RIF1: variants seen among roughly 807,000 people sequenced by gnomAD.
The protein encoded by RIF1 is replication timing regulatory factor 1.
Under a neutral mutation model 247.1 loss-of-function variants are expected in RIF1, and 45 were observed. The observed-to-expected ratio is 0.18, with a 90% confidence interval of 0.14 to 0.23. The LOEUF (loss-of-function observed/expected upper bound fraction) is 0.23. RIF1 is among the 10% of genes least tolerant of loss of function. RIF1 has a pLI of 1.00. For missense variants in RIF1, 2,967 were observed against 2,862.5 expected (o/e 1.04, Z -0.83); for synonymous variants, 1,087 against 978.8 (o/e 1.11, Z -2.06).
At position 151,463,076 on chromosome 2, in the gene RIF1, G is replaced by A. The variant is rs1187526525; in HGVS notation, c.3556G>A (p.Glu1186Lys). 6.2e-7 allele frequency: 1 copy of A among 1,613,786 alleles called. No individual in the cohort carries two copies. The highest frequency in any genetic ancestry group is 1.3e-5 in the African/African-American group (1 of 74,918). The change falls in exon 30 of 36, where the codon GAA becomes AAA. Residue 1186 changes from glutamate to lysine, a missense_variant. Glu to Lys is a moderately conservative substitution (Grantham distance 56, BLOSUM62 1). Coordinates refer to ENST00000444746, the MANE Select transcript of RIF1 (RefSeq NM_018151.5). Reference sequence around the variant, plus strand: ...AATTTCATCAAGGAAAACATCAACTGAATGTGCATCTAGTACAGAAAATTC... The same window carrying A: ...AATTTCATCAAGGAAAACATCAACTAAATGTGCATCTAGTACAGAAAATTC... The part of the protein sequence containing the change: ...ALISSRKTST[E>K]CASSTENSFV...
downstream of RIF1, among the ~76,000 whole-genome samples, chr2:151,510,214 A>C (rs1023670066): frequency 6.6e-6 from 1 of 152,190 alleles, no homozygotes; most frequent in Non-Finnish European, 1.5e-5. Flanking sequence ...CAGACCCCCA[A>C]TAAACTTGTT....
chr2:151,492,163 C>G, intron 9 of RIF1: 1 of 1,613,890 alleles, frequency 6.2e-7, no homozygotes, highest in Non-Finnish European at 8.5e-7. Context: ...CCTCTGAATA[C>G]CTCGGTAGTT....
chr2:151,433,456 A>C (rs946871563), intron 10 of RIF1, among the ~76,000 whole-genome samples: 3 of 151,952 alleles, frequency 2.0e-5, no homozygotes, highest in African/African-American at 7.2e-5. Context: ...TTTATTTATT[A>C]TTAATTTATT....
At chr2:151,494,350 GC>G in intron 9 of RIF1, 1 of 818,726 alleles carries the variant, frequency 1.2e-6, no homozygotes, top group Non-Finnish European at 2.0e-6. Context: ...TATCTTTAGG[GC>G]CCCAAACCAT....
chr2:151,508,196 C>A, downstream of RIF1: 1 of 803,370 alleles, frequency 1.2e-6, no homozygotes. Context: ...TTAGCCCTTC[C>A]AGGCTCAGCA....
intron 18 of RIF1, among the ~76,000 whole-genome samples, chr2:151,444,685 A>G (rs1345306362): frequency 6.6e-6 from 1 of 152,198 alleles, no homozygotes; most frequent in African/African-American, 2.4e-5. Flanking sequence ...ACATTCTTAA[A>G]TAGCTCCCCA....
chr2:151,457,152 C>CA (rs966786965), intron 23 of RIF1, among the ~76,000 whole-genome samples: 2 of 149,482 alleles, frequency 1.3e-5, no homozygotes, highest in Non-Finnish European at 3.0e-5. Context: ...TTTTTGGAGA[C>CA]AAAATCTCAC....
chr2:151,534,327 A>G, the RIF1 span: 3 of 1,608,946 alleles, frequency 1.9e-6, no homozygotes, highest in African/African-American at 4.0e-5. Flanking sequence ...TTTCTGCTCA[A>G]ACATCATAGC....
chr2:151,524,048 G>A, the RIF1 span, among the ~76,000 whole-genome samples: 3 of 152,152 alleles, frequency 2.0e-5, no homozygotes, highest in Admixed American at 6.5e-5. Flanking sequence ...ATGAACTGAT[G>A]TTTTTGTCAC....
rs1695465752 is a variant in RIF1 at position 151,457,866 on chromosome 2, T to G, written c.2758T>G (p.Phe920Val). Residue 920 changes from phenylalanine (F) to valine (V), a missense_variant, in exon 24 of 36, where the codon TTT becomes GTT. Transcript: ENST00000444746. ...ACTCTCCCCACTATTATGCATAATA[T>G]TTCTGCACAAGAATAAACAGATTCG... Reference protein sequence around the residue: ...EQLSPLLCIIFLHKNKQIRKQ... With the variant: ...EQLSPLLCIIVLHKNKQIRKQ... The G allele has an allele frequency of 6.2e-7, 1 of 1,613,414 alleles. No homozygotes were observed. Among genetic ancestry groups the G allele is most frequent in the Non-Finnish European group, 8.5e-7 (1 of 1,179,542 alleles).
intron 21 of RIF1, 69 bp from the exon 22 acceptor site, chr2:151,454,824 TTG>T (rs1694930667): frequency 8.6e-7 from 1 of 1,157,412 alleles, no homozygotes; most frequent in Non-Finnish European, 1.2e-6. Context: ...GAGCTATAAA[TTG>T]TAAAAGTGGA....
At chr2:151,412,010 C>T (rs1278880750) in intron 3 of RIF1, among the ~76,000 whole-genome samples, 1 of 152,196 alleles carries the variant, frequency 6.6e-6, no homozygotes, top group Non-Finnish European at 1.5e-5. Context: ...GAATCTACAT[C>T]TAAGTAAGTG....
chr2:151,490,115 A>T, intron 9 of RIF1: 4 of 1,466,966 alleles, frequency 2.7e-6, no homozygotes, highest in Non-Finnish European at 3.8e-6. Context: ...AAGAAGAAAA[A>T]TGGCTAGGTA....
chr2:151,492,673 G>A (rs1491000868), intron 9 of RIF1: 1 of 413,304 alleles, frequency 2.4e-6, no homozygotes, highest in Non-Finnish European at 4.3e-6. Context: ...GGGCCCGCCA[G>A]TGGAAGAGAA....
At chr2:151,434,197 G>T (rs915993634) in intron 10 of RIF1, among the ~76,000 whole-genome samples, 9 of 151,402 alleles carry the variant, frequency 5.9e-5, no homozygotes, top group Non-Finnish European at 1.2e-4. Context: ...GAAATCAAGT[G>T]CTACACTGGG....
At chr2:151,415,302 G>T (rs190728313) in intron 4 of RIF1, among the ~76,000 whole-genome samples, 1 of 149,150 alleles carries the variant, frequency 6.7e-6, no homozygotes, top group East Asian at 2.0e-4. Flanking sequence ...AGTCGAGATC[G>T]TGCCATTGTA....
chr2:151,419,845 G>T (rs954757653), intron 6 of RIF1, among the ~76,000 whole-genome samples: 1 of 152,126 alleles, frequency 6.6e-6, no homozygotes, highest in Non-Finnish European at 1.5e-5. Context: ...TGAATGTGCT[G>T]CATCTTTGAC....
intron 3 of RIF1, among the ~76,000 whole-genome samples, chr2:151,412,372 G>C (rs1345598734): frequency 6.6e-6 from 1 of 151,702 alleles, no homozygotes; most frequent in Non-Finnish European, 1.5e-5. Context: ...TAAAATTGAG[G>C]TGGGGGTCTT....
intron 14 of RIF1, among the ~76,000 whole-genome samples, chr2:151,439,328 T>C (rs1234231897): frequency 6.6e-6 from 1 of 152,146 alleles, no homozygotes; most frequent in Non-Finnish European, 1.5e-5. Context: ...AATAAATTTT[T>C]ACAGCTCTCT....
Sources: gnomAD v4.1 joint callset for allele counts (sites outside exome capture counted in the v4.1 genomes callset) on GRCh38, gnomAD v4.1.1 for gene constraint, MANE v1.5 for transcripts, NCBI Gene and HGNC (gene_info 2026-07-23, HGNC 2026-07-21) for gene names.